Variants in OSBPL10 observed in about 807,000 individuals in gnomAD.
OSBPL10 encodes the protein oxysterol-binding protein-related protein 10.
Under a neutral mutation model 81.7 loss-of-function variants are expected in OSBPL10, and 49 were observed. That is an observed-to-expected ratio of 0.60 (90% CI 0.48 to 0.76). The LOEUF (loss-of-function observed/expected upper bound fraction) is 0.76, where lower values mean the gene tolerates loss of function less well. Ranked by LOEUF, OSBPL10 falls within the 30% of genes least tolerant of loss-of-function variation. The pLI is 0.00. For missense variants in OSBPL10, 923 were observed against 987.8 expected, an observed-to-expected ratio of 0.93 and a Z score of 0.88; for synonymous variants, 419 against 383.6, an observed-to-expected ratio of 1.09 and a Z score of -1.08.
intron 7 of OSBPL10, among the ~76,000 whole-genome samples, chr3:31,691,740 A>G (rs1039285312): frequency 1.3e-5 from 2 of 152,088 alleles, no homozygotes; most frequent in Non-Finnish European, 2.9e-5. Flanking sequence ...AAAGAAAGAA[A>G]AAAGAAACAT....
Position 31,935,627 on chromosome 3 carries a change from G to A in OSBPL10, c.281+45272C>T, listed in dbSNP as rs543451884. Reference sequence around the variant, plus strand: ...CAACCTCTGTCTCCTGGGTTCAAGCGATTCTCCTGCCTCAGCCTCCCAAGT... The same window carrying A: ...CAACCTCTGTCTCCTGGGTTCAAGCAATTCTCCTGCCTCAGCCTCCCAAGT... On this transcript the variant is annotated intron_variant, in intron 1 of 11. Transcript: ENST00000396556. Among the ~76,000 whole-genome samples the A allele has an allele frequency of 1.0e-3, 154 of 151,470 alleles. 1 individual carries two copies. The highest frequency in any genetic ancestry group is 3.6e-3 in the African/African-American group (148 of 41,258).
chr3:31,926,289 G>GCCCC lies in OSBPL10; in HGVS notation c.282-46463_282-46460dup, dbSNP rs36122261. Reference sequence around the variant, plus strand: ...GTGGTTCTCAACCATGGGTGATTTTGCCCCCCCAGAGGATAGCTGCAATGT... The same window carrying GCCCC: ...GTGGTTCTCAACCATGGGTGATTTTGCCCCCCCCCCCAGAGGATAGCTGCAATGT... On this transcript the variant is annotated intron_variant, in intron 1 of 11. Coordinates refer to ENST00000396556, the MANE Select transcript of OSBPL10 (RefSeq NM_017784.5). 1.0e-3 allele frequency among the ~76,000 whole-genome samples: 135 copies of GCCCC among 130,170 alleles called. 14 individuals are homozygous for GCCCC. Among genetic ancestry groups the GCCCC allele is most frequent in the African/African-American group, 2.3e-3 (75 of 32,308 alleles). 85.4% of individuals were successfully genotyped at this position (130,170 alleles called of 152,430 possible).
Position 31,727,276 on chromosome 3 carries a change from G to A in OSBPL10, c.1095+5981C>T, listed in dbSNP as rs146201102. 2.6e-3 allele frequency among the ~76,000 whole-genome samples: 395 copies of A among 152,072 alleles called. 2 individuals are homozygous for A. Among genetic ancestry groups the A allele is most frequent in the African/African-American group, 9.1e-3 (378 of 41,464 alleles). The stretch of plus-strand genomic sequence containing the variant: ...AAGGAAGTCCACATATCAATTTTGC[G>A]TCAACCTAAGTTCTGTGATGCTTGG... On this transcript the variant is annotated intron_variant, in intron 6 of 11. Transcript: ENST00000396556.
Position 32,058,807 on chromosome 3 carries a change from G to A in OSBPL10, n.186-12204C>T, listed in dbSNP as rs75146837. On this transcript the variant is annotated intron_variant and non_coding_transcript_variant, in intron 1 of 3. Coordinates refer to the OSBPL10 transcript ENST00000479173. ...AGCCTCCCAGTGGCTGCCTCTGTCT[G>A]TGGAGTAGCCATAGGGACTACATGT... Among the ~76,000 whole-genome samples, 777 of 152,292 alleles carry A rather than the reference G, an allele frequency of 5.1e-3. 19 individuals carry two copies. The East Asian group carries it at 0.094, about 19-fold the overall frequency.
chr3:31,910,980 T>C (rs73061466), intron 1 of OSBPL10, among the ~76,000 whole-genome samples: 2,135 of 152,324 alleles, frequency 0.014, 21 homozygotes, highest in Non-Finnish European at 0.023. Flanking sequence ...CTGCCACACC[T>C]GGGCTGTTGC....
At chr3:31,826,298 C>G (rs1700098784) in intron 4 of OSBPL10, among the ~76,000 whole-genome samples, 1 of 152,204 alleles carries the variant, frequency 6.6e-6, no homozygotes, top group Non-Finnish European at 1.5e-5. Flanking sequence ...ATTTCACAAA[C>G]AGTTGCCTTA....
chr3:32,016,416 A>G (rs974214876), intron 2 of OSBPL10, among the ~76,000 whole-genome samples: 2 of 152,074 alleles, frequency 1.3e-5, no homozygotes, highest in African/African-American at 4.8e-5. Flanking sequence ...TGGACACAGG[A>G]AGGGGAACAT....
chr3:32,041,648 T>TC (rs1699577053), intron 2 of OSBPL10, among the ~76,000 whole-genome samples: 1 of 32,652 alleles, frequency 3.1e-5, no homozygotes, highest in Non-Finnish European at 1.7e-4. Context: ...TCTTTCTTTC[T>TC]TTTTCTTTCT....
At chr3:31,797,341 G>C (rs1699254471) in intron 4 of OSBPL10, among the ~76,000 whole-genome samples, 1 of 151,718 alleles carries the variant, frequency 6.6e-6, no homozygotes, top group African/African-American at 2.4e-5. Context: ...TATTCAAAAA[G>C]AAAGGTAAGA....
At chr3:31,787,940 CACAA>C (rs1291428417) in intron 4 of OSBPL10, among the ~76,000 whole-genome samples, 6 of 151,958 alleles carry the variant, frequency 3.9e-5, no homozygotes, top group African/African-American at 1.2e-4. Context: ...CTTTAAAATG[CACAA>C]ACAGAATATA....
intron 7 of OSBPL10, among the ~76,000 whole-genome samples, chr3:31,689,981 T>TGGGAGGAG: frequency 1.3e-5 from 2 of 151,384 alleles, no homozygotes; most frequent in Middle Eastern, 6.8e-3. Flanking sequence ...AGGAGGAAGG[T>TGGGAGGAG]GGGAGGAGGG....
At chr3:31,789,410 C>A (rs1698953135) in intron 4 of OSBPL10, among the ~76,000 whole-genome samples, 1 of 152,128 alleles carries the variant, frequency 6.6e-6, no homozygotes, top group Non-Finnish European at 1.5e-5. Context: ...TCTAGTCAGC[C>A]TTTGTTGGAA....
intron 1 of OSBPL10, among the ~76,000 whole-genome samples, chr3:32,072,336 G>C (rs1036191310): frequency 3.9e-5 from 6 of 152,178 alleles, no homozygotes; most frequent in African/African-American, 1.4e-4. Flanking sequence ...TGCTGATAAG[G>C]TAGCTAAAGA....
chr3:32,075,986 TCCCCATCC>T (rs1244174638), intron 1 of OSBPL10, among the ~76,000 whole-genome samples: 1 of 152,162 alleles, frequency 6.6e-6, no homozygotes, highest in African/African-American at 2.4e-5. Flanking sequence ...TTTGTAATTC[TCCCCATCC>T]TTGAGAATGT....
chr3:31,756,262 T>C (rs1459855298), intron 4 of OSBPL10, among the ~76,000 whole-genome samples: 1 of 152,188 alleles, frequency 6.6e-6, no homozygotes, highest in Non-Finnish European at 1.5e-5. Context: ...TTCTTTCATA[T>C]ATTCTAGAAG....
intron 2 of OSBPL10, among the ~76,000 whole-genome samples, chr3:32,019,612 C>T (rs1185360410): frequency 6.6e-5 from 10 of 152,126 alleles, no homozygotes. Flanking sequence ...TTCATATGTT[C>T]AACATCCACA....
intron 1 of OSBPL10, among the ~76,000 whole-genome samples, chr3:31,912,075 T>A (rs1191084290): frequency 6.6e-6 from 1 of 151,946 alleles, no homozygotes; most frequent in African/African-American, 2.4e-5. Flanking sequence ...ATGTATATTT[T>A]ACCATAATAA....
intron 5 of OSBPL10, among the ~76,000 whole-genome samples, chr3:31,739,716 G>T (rs747066677): frequency 1.3e-5 from 2 of 152,170 alleles, no homozygotes; most frequent in Admixed American, 1.3e-4. Flanking sequence ...CCCCAGGCTG[G>T]ACTCTTGATC....
intron 4 of OSBPL10, among the ~76,000 whole-genome samples, chr3:31,753,093 C>T (rs1239530555): frequency 6.6e-6 from 1 of 152,122 alleles, no homozygotes; most frequent in Non-Finnish European, 1.5e-5. Flanking sequence ...TGCTAAGTTC[C>T]CCTCTGAGTC....
Sources: gnomAD v4.1 joint callset for allele counts (sites outside exome capture counted in the v4.1 genomes callset) on GRCh38, gnomAD v4.1.1 for gene constraint, MANE v1.5 for transcripts, NCBI Gene and HGNC (gene_info 2026-07-23, HGNC 2026-07-21) for gene names.